PACSIN2: variants seen among roughly 807,000 people sequenced by gnomAD.
The protein encoded by PACSIN2 is protein kinase C and casein kinase substrate in neurons 2.
A neutral mutation model predicts 63.8 loss-of-function variants in PACSIN2; 25 were observed. The observed-to-expected ratio is 0.39, with a 90% confidence interval of 0.29 to 0.55. The LOEUF is 0.55. Ranked by LOEUF, PACSIN2 falls within the 20% of genes least tolerant of loss-of-function variation. The pLI is 0.62. For missense variants in PACSIN2, 518 were observed against 646.9 expected, an observed-to-expected ratio of 0.80 and a Z score of 2.16; for synonymous variants, 255 against 256.2, an observed-to-expected ratio of 1.00 and a Z score of 0.05.
At position 42,948,407 on chromosome 22, in the gene PACSIN2, G is replaced by A. The variant is rs183135494; in HGVS notation, c.-77-36250C>T. Among the ~76,000 whole-genome samples, 10 of 152,304 alleles carry A rather than the reference G, an allele frequency of 6.6e-5. No individual in the cohort carries two copies. The East Asian group carries it at 1.2e-3, about 18-fold the overall frequency. ...AGAAGAGGTCACACCCATCAGAAGC[G>A]CTATCTAGAAGTGAACTACCTAAAT... is the stretch of plus-strand genomic sequence containing the variant. On this transcript the variant is annotated intron_variant, in intron 1 of 10. Coordinates refer to ENST00000263246, the MANE Select transcript of PACSIN2 (RefSeq NM_001184970.3).
chr22:42,873,305 A>G (rs1356540942), intron 10 of PACSIN2, among the ~76,000 whole-genome samples: 2 of 152,224 alleles, frequency 1.3e-5, no homozygotes, highest in Non-Finnish European at 2.9e-5. Context: ...AAACCAACAA[A>G]GTCGGGGGTA....
At chr22:42,949,466 A>G (rs868663342) in intron 1 of PACSIN2, among the ~76,000 whole-genome samples, 3 of 148,368 alleles carry the variant, frequency 2.0e-5, no homozygotes, top group East Asian at 1.9e-4. Flanking sequence ...ACGCGCGCGC[A>G]CGCACACACA....
rs1389753907 is a variant in PACSIN2, at chr22:42,893,473, C to A, written c.201G>T (p.Arg67Ser). 6.2e-7 allele frequency: 1 copy of A among 1,613,376 alleles called. No homozygotes were observed. The highest frequency in any genetic ancestry group is 1.7e-5 in the Admixed American group (1 of 60,032). Residue 67 changes from arginine to serine, a missense_variant, in exon 3 of 11, where the codon AGG becomes AGT. Arg to Ser is a moderately radical substitution (Grantham distance 110). Coordinates refer to ENST00000263246, the MANE Select transcript of PACSIN2 (RefSeq NM_001184970.3). ...GCCCCATACCTTTCTCCACGAGCTG[C>A]CTCCAGCGCCGGGCCCACTCAGTGA... Reference protein sequence around the residue: ...QQLTEWARRWRQLVEKGPQYG... With the variant: ...QQLTEWARRWSQLVEKGPQYG...
chr22:42,920,259 C>G (rs1200625932), intron 1 of PACSIN2, among the ~76,000 whole-genome samples: 1 of 152,192 alleles, frequency 6.6e-6, no homozygotes, highest in African/African-American at 2.4e-5. Context: ...CACTCCAGAC[C>G]TGAACTCACT....
chr22:42,970,632 C>A (rs1921184227), intron 1 of PACSIN2, among the ~76,000 whole-genome samples: 1 of 152,190 alleles, frequency 6.6e-6, no homozygotes, highest in African/African-American at 2.4e-5. Context: ...AACGAACATT[C>A]ATTACGTCCT....
chr22:42,976,281 C>T (rs1483843189), intron 1 of PACSIN2, among the ~76,000 whole-genome samples: 1 of 152,208 alleles, frequency 6.6e-6, no homozygotes, highest in African/African-American at 2.4e-5. Context: ...CTCTTCCCAG[C>T]CCAACCCCAG....
chr22:43,013,274 T>G (rs1463948421), intron 1 of PACSIN2, among the ~76,000 whole-genome samples: 1 of 152,244 alleles, frequency 6.6e-6, no homozygotes, highest in African/African-American at 2.4e-5. Context: ...TGTGTTATGT[T>G]ACTTTCCCAA....
intron 1 of PACSIN2, among the ~76,000 whole-genome samples, chr22:42,914,136 G>T (rs913873100): frequency 6.6e-6 from 1 of 152,232 alleles, no homozygotes; most frequent in African/African-American, 2.4e-5. Flanking sequence ...ACTGGTTAGG[G>T]CTCTGCTCCA....
At chr22:42,936,496 G>A (rs1284791221) in intron 1 of PACSIN2, among the ~76,000 whole-genome samples, 1 of 152,186 alleles carries the variant, frequency 6.6e-6, no homozygotes, top group African/African-American at 2.4e-5. Context: ...AACATTCTAA[G>A]GGGACATGAA....
chr22:42,895,940 A>G (rs1476690173), intron 2 of PACSIN2, among the ~76,000 whole-genome samples: 1 of 152,230 alleles, frequency 6.6e-6, no homozygotes, highest in Non-Finnish European at 1.5e-5. Context: ...CCAGGGACAG[A>G]GCAATGTGGC....
At chr22:42,910,676 G>A (rs1191174003) in intron 2 of PACSIN2, among the ~76,000 whole-genome samples, 1 of 152,152 alleles carries the variant, frequency 6.6e-6, no homozygotes, top group Non-Finnish European at 1.5e-5. Flanking sequence ...GCTGTCTTAA[G>A]TGAAATATTT....
intron 2 of PACSIN2, among the ~76,000 whole-genome samples, chr22:42,905,465 C>G (rs78621828): frequency 6.6e-6 from 1 of 152,214 alleles, no homozygotes; most frequent in African/African-American, 2.4e-5. Context: ...TCATTGGTGC[C>G]GCTGGCCCAG....
chr22:42,906,747 C>G (rs567519693), intron 2 of PACSIN2, among the ~76,000 whole-genome samples: 2 of 152,294 alleles, frequency 1.3e-5, no homozygotes, highest in African/African-American at 4.8e-5. Context: ...CAAATACCAT[C>G]AGAAACACAA....
intron 7 of PACSIN2, 39 bp downstream of exon 7, chr22:42,882,145 T>G: frequency 6.2e-7 from 1 of 1,611,286 alleles, no homozygotes. Flanking sequence ...CCAGGTCCTC[T>G]TCCAGGCTGA....
intron 1 of PACSIN2, among the ~76,000 whole-genome samples, chr22:43,009,224 G>C (rs1267415836): frequency 6.6e-6 from 1 of 152,222 alleles, no homozygotes; most frequent in Non-Finnish European, 1.5e-5. Flanking sequence ...CTGGCTGTTT[G>C]CTCCATCAAC....
intron 1 of PACSIN2, among the ~76,000 whole-genome samples, chr22:42,926,928 G>A (rs1932576150): frequency 6.6e-6 from 1 of 152,070 alleles, no homozygotes; most frequent in Non-Finnish European, 1.5e-5. Context: ...TACCACACCT[G>A]GCTGGGCTCC....
intron 1 of PACSIN2, among the ~76,000 whole-genome samples, chr22:43,010,398 A>ATATATT: frequency 5.5e-5 from 7 of 126,404 alleles, no homozygotes; most frequent in African/African-American, 1.7e-4. Flanking sequence ...ATATATATAT[A>ATATATT]TTTTTTTTTA....
rs202119781 is a variant in PACSIN2 at position 42,974,302 on chromosome 22, T to C, written c.-78+40719A>G. ...AAGGCCCTTTCCCATGAGCACCAAA[T>C]AGCAGGTGCCATACCCAGAGCATTC... is the stretch of plus-strand genomic sequence containing the variant. On this transcript the variant is annotated intron_variant, in intron 1 of 10. Coordinates refer to ENST00000263246, the MANE Select transcript of PACSIN2 (RefSeq NM_001184970.3). Among the ~76,000 whole-genome samples, 5 of 152,238 alleles carry C rather than the reference T, an allele frequency of 3.3e-5. No homozygotes were observed. In the East Asian group the frequency reaches 7.7e-4, roughly 24 times the overall value.
intron 2 of PACSIN2, among the ~76,000 whole-genome samples, chr22:42,900,130 C>A (rs1367351838): frequency 6.6e-6 from 1 of 151,946 alleles, no homozygotes; most frequent in East Asian, 1.9e-4. Flanking sequence ...GAGCACCAAC[C>A]CAGTCTACAC....
Sources: gnomAD v4.1 joint callset for allele counts (sites outside exome capture counted in the v4.1 genomes callset) on GRCh38, gnomAD v4.1.1 for gene constraint, MANE v1.5 for transcripts, NCBI Gene and HGNC (gene_info 2026-07-23, HGNC 2026-07-21) for gene names.